Variants in STK32B observed in about 807,000 individuals in gnomAD.
STK32B encodes serine/threonine kinase 32B, also known as serine/threonine-protein kinase 32B.
Under a neutral mutation model 52.6 loss-of-function variants are expected in STK32B, and 43 were observed. The ratio of observed to expected loss-of-function variants is 0.82; its 90% CI spans 0.64 to 1.05. STK32B has a LOEUF of 1.05. STK32B is among the 50% of genes least tolerant of loss of function. The pLI is 0.00. For synonymous variants in STK32B, 238 were observed against 204.3 expected (o/e 1.17, Z -1.41); for missense variants, 621 against 534.6 (o/e 1.16, Z -1.59).
chr4:5,122,594 C>T (rs1715121658), intron 1 of STK32B, among the ~76,000 whole-genome samples: 1 of 152,088 alleles, frequency 6.6e-6, no homozygotes, highest in South Asian at 2.1e-4. Context: ...CTCATTCACC[C>T]ACCCACTCAC....
At chr4:5,258,430 C>A (rs1036577629) in intron 3 of STK32B, among the ~76,000 whole-genome samples, 2 of 152,172 alleles carry the variant, frequency 1.3e-5, no homozygotes, top group African/African-American at 2.4e-5. Context: ...GGTGAATGTT[C>A]ATTTCATTAG....
chr4:5,397,431 T>C (rs1233513326), intron 4 of STK32B, among the ~76,000 whole-genome samples: 4 of 152,192 alleles, frequency 2.6e-5, no homozygotes, highest in South Asian at 2.1e-4. Flanking sequence ...AGCCTCAGCC[T>C]TCAGAATGTT....
At chr4:5,146,231 G>C (rs138074536) in intron 2 of STK32B, among the ~76,000 whole-genome samples, 350 of 152,160 alleles carry the variant, frequency 2.3e-3, no homozygotes, top group African/African-American at 7.7e-3. Flanking sequence ...ACCATAGGCC[G>C]TCTGAAAGTT....
intron 6 of STK32B, among the ~76,000 whole-genome samples, chr4:5,429,607 G>T (rs1713393427): frequency 6.6e-6 from 1 of 151,478 alleles, no homozygotes; most frequent in Non-Finnish European, 1.5e-5. Context: ...ATTATATTTT[G>T]CAGTGGTTAA....
intron 11 of STK32B, among the ~76,000 whole-genome samples, chr4:5,488,262 C>T (rs1279659681): frequency 6.6e-6 from 1 of 152,148 alleles, no homozygotes; most frequent in Admixed American, 6.5e-5. Flanking sequence ...CACGCCACTG[C>T]ACTCCAGCCT....
chr4:5,427,632 T>C (rs1713212109), intron 6 of STK32B, among the ~76,000 whole-genome samples: 1 of 152,190 alleles, frequency 6.6e-6, no homozygotes, highest in South Asian at 2.1e-4. Context: ...ATTTGGTAGT[T>C]TATGTCTTTC....
chr4:5,050,492 G>C (rs1440607077), upstream of STK32B, among the ~76,000 whole-genome samples: 1 of 152,162 alleles, frequency 6.6e-6, no homozygotes, highest in Non-Finnish European at 1.5e-5. Flanking sequence ...AAAGAAAGAA[G>C]GGGAGAGAAC....
chr4:5,283,235 A>G (rs1399313546), intron 3 of STK32B, among the ~76,000 whole-genome samples: 1 of 152,120 alleles, frequency 6.6e-6, no homozygotes, highest in Non-Finnish European at 1.5e-5. Flanking sequence ...TAATGTTGTC[A>G]CAAATGATAG....
intron 6 of STK32B, among the ~76,000 whole-genome samples, chr4:5,421,842 T>C (rs891500298): frequency 2.0e-5 from 3 of 152,220 alleles, no homozygotes; most frequent in Non-Finnish European, 4.4e-5. Context: ...TCTCTTATTT[T>C]ATGTGTGAGG....
rs180767649 is a variant in STK32B, at chr4:5,147,451, C to T, written c.108+7491C>T. Among the ~76,000 whole-genome samples, 10 of 152,158 alleles carry T rather than the reference C, an allele frequency of 6.6e-5. No individual in the cohort carries two copies. The East Asian group carries it at 7.7e-4, about 12-fold the overall frequency. On this transcript the variant is annotated intron_variant, in intron 2 of 11. Coordinates refer to ENST00000282908, the MANE Select transcript of STK32B (RefSeq NM_018401.3). Reference sequence around the variant, plus strand: ...TCTTTATTGCAGTAGCTAAAACCCTCGGTACAATATTGAGGAGAAGTGGTG... The same window carrying T: ...TCTTTATTGCAGTAGCTAAAACCCTTGGTACAATATTGAGGAGAAGTGGTG...
intron 3 of STK32B, among the ~76,000 whole-genome samples, chr4:5,264,634 A>G (rs1726942084): frequency 7.0e-6 from 1 of 142,726 alleles, no homozygotes; most frequent in South Asian, 2.2e-4. Flanking sequence ...AAAATAAAAA[A>G]AAAATAGCCG....
chr4:5,301,882 A>G (rs1330327683), intron 3 of STK32B, among the ~76,000 whole-genome samples: 2 of 150,278 alleles, frequency 1.3e-5, no homozygotes, highest in Non-Finnish European at 3.0e-5. Flanking sequence ...AGTTATTAAG[A>G]TCTCTCTTCC....
intron 3 of STK32B, among the ~76,000 whole-genome samples, chr4:5,274,008 AAAAAC>A (rs1320931373): frequency 7.4e-5 from 11 of 149,202 alleles, no homozygotes; most frequent in South Asian, 6.2e-4. Flanking sequence ...AAAGAAACAA[AAAAAC>A]AAAACAAACA....
intron 4 of STK32B, among the ~76,000 whole-genome samples, chr4:5,385,611 C>T (rs906198816): frequency 2.0e-5 from 3 of 152,066 alleles, no homozygotes; most frequent in African/African-American, 7.2e-5. Context: ...GACCACACTC[C>T]TCCCAGGGCT....
Position 5,068,046 on chromosome 4 carries a change from T to C in STK32B, c.52+16131T>C, listed in dbSNP as rs78624200. On this transcript the variant is annotated intron_variant, in intron 1 of 11. Transcript: ENST00000282908. Reference sequence around the variant, plus strand: ...CATGAGATTTGGGCAGGGACACAAATCCAAACCATATCAAAGTGGATGAAT... The same window carrying C: ...CATGAGATTTGGGCAGGGACACAAACCCAAACCATATCAAAGTGGATGAAT... 2.0e-4 allele frequency among the ~76,000 whole-genome samples: 30 copies of C among 152,176 alleles called. No individual in the cohort carries two copies. The East Asian group carries it at 4.1e-3, about 21-fold the overall frequency.
intron 3 of STK32B, among the ~76,000 whole-genome samples, chr4:5,265,464 C>T (rs752029370): frequency 2.6e-5 from 4 of 152,180 alleles, no homozygotes; most frequent in Admixed American, 1.3e-4. Context: ...TGACCACTGC[C>T]GCCATCCATC....
chr4:5,046,731 G>GA (rs894656419), upstream of STK32B, among the ~76,000 whole-genome samples: 4 of 151,838 alleles, frequency 2.6e-5, no homozygotes, highest in African/African-American at 9.7e-5. Flanking sequence ...TCAAACACAT[G>GA]AAAAAAAACT....
chr4:5,428,887 A>G (rs1158924765), intron 6 of STK32B, among the ~76,000 whole-genome samples: 1 of 152,188 alleles, frequency 6.6e-6, no homozygotes, highest in African/African-American at 2.4e-5. Context: ...GCTTTGCCTG[A>G]TATTAATACA....
chr4:5,103,125 T>C (rs1298876855), intron 1 of STK32B, among the ~76,000 whole-genome samples: 2 of 151,580 alleles, frequency 1.3e-5, no homozygotes, highest in Non-Finnish European at 2.9e-5. Flanking sequence ...CTTAGAATCC[T>C]TCATGGATTT....
Sources: allele counts gnomAD v4.1 joint callset (sites outside exome capture counted in the v4.1 genomes callset), GRCh38; gene constraint gnomAD v4.1.1; transcripts MANE v1.5; gene names NCBI Gene and HGNC (gene_info 2026-07-23, HGNC 2026-07-21).